The following DOCK1 variants were observed in gnomAD, a reference collection of about 807,000 sequenced individuals.
DOCK1 encodes the protein dedicator of cytokinesis 1.
Under a neutral mutation model 262.7 loss-of-function variants are expected in DOCK1, and 138 were observed. The observed-to-expected ratio is 0.53, with a 90% CI of 0.46 to 0.61. The LOEUF (loss-of-function observed/expected upper bound fraction) is 0.61. DOCK1 is among the 20% of genes least tolerant of loss of function. DOCK1 has a pLI of 0.00. For missense variants in DOCK1, 1,908 were observed against 2,370.7 expected, an observed-to-expected ratio of 0.80 and a Z score of 4.05; for synonymous variants, 866 against 867.4, an observed-to-expected ratio of 1.00 and a Z score of 0.03.
At chr10:126,927,514 G>A (rs2033838864) in intron 1 of DOCK1, among the ~76,000 whole-genome samples, 1 of 151,996 alleles carries the variant, frequency 6.6e-6, no homozygotes, top group Non-Finnish European at 1.5e-5. Flanking sequence ...TCGGCTCACT[G>A]CAACCTCCGC....
At chr10:127,294,311 G>C (rs2061435484) in intron 29 of DOCK1, among the ~76,000 whole-genome samples, 1 of 151,548 alleles carries the variant, frequency 6.6e-6, no homozygotes, top group Non-Finnish European at 1.5e-5. Flanking sequence ...TTTTTGTTTT[G>C]TTTTGTTTTG....
chr10:127,130,599 G>T (rs962975161), intron 27 of DOCK1, among the ~76,000 whole-genome samples: 1 of 152,190 alleles, frequency 6.6e-6, no homozygotes, highest in African/African-American at 2.4e-5. Flanking sequence ...TGTGGTCCAG[G>T]ATGTCTTTGA....
chr10:127,366,751 G>A (rs890338817), intron 33 of DOCK1, among the ~76,000 whole-genome samples: 7 of 152,132 alleles, frequency 4.6e-5, no homozygotes, highest in Admixed American at 1.3e-4. Context: ...CTCCATCCAC[G>A]AGCTTCTGGG....
intron 27 of DOCK1, among the ~76,000 whole-genome samples, chr10:127,224,312 G>C (rs1336200369): frequency 2.6e-5 from 4 of 152,094 alleles, no homozygotes; most frequent in Non-Finnish European, 5.9e-5. Flanking sequence ...TGTAATCCTA[G>C]TACTTTGGGA....
At chr10:127,092,938 A>G (rs941468156) in intron 23 of DOCK1, among the ~76,000 whole-genome samples, 3 of 152,088 alleles carry the variant, frequency 2.0e-5, no homozygotes, top group Non-Finnish European at 4.4e-5. Context: ...TGCTGTCACA[A>G]TACAAACGAG....
chr10:127,267,869 C>T (rs1461198490), intron 29 of DOCK1, among the ~76,000 whole-genome samples: 1 of 152,150 alleles, frequency 6.6e-6, no homozygotes, highest in African/African-American at 2.4e-5. Flanking sequence ...CAGTATAGGA[C>T]CCTCTGGTGT....
In DOCK1 at chr10:127,259,696, G is replaced by A. The variant is rs201836939; in HGVS notation, c.3044+2267G>A. Reference sequence around the variant, plus strand: ...GTGAGCACTGCTCTGACAAAGGTCAGGCGGGATGGGCTCCCTGAAGTTGCA... The same window carrying A: ...GTGAGCACTGCTCTGACAAAGGTCAAGCGGGATGGGCTCCCTGAAGTTGCA... On this transcript the variant is annotated intron_variant, in intron 29 of 51. Transcript: ENST00000623213. 2.0e-5 allele frequency among the ~76,000 whole-genome samples: 3 copies of A among 152,216 alleles called. No individual in the cohort carries two copies. The East Asian group carries it at 5.8e-4, about 29-fold the overall frequency.
chr10:127,068,471 G>A (rs796987655), intron 23 of DOCK1, among the ~76,000 whole-genome samples: 2 of 19,184 alleles, frequency 1.0e-4, no homozygotes, highest in African/African-American at 3.0e-4. Flanking sequence ...TCGCCCCTTC[G>A]TCTTTATATG....
At chr10:127,277,622 G>C (rs575416907) in intron 29 of DOCK1, among the ~76,000 whole-genome samples, 1 of 152,230 alleles carries the variant, frequency 6.6e-6, no homozygotes, top group Non-Finnish European at 1.5e-5. Context: ...TATTAGCTGG[G>C]TGTGGTGGCG....
chr10:127,049,612 A>G (rs1007900282), intron 21 of DOCK1, among the ~76,000 whole-genome samples: 1 of 152,208 alleles, frequency 6.6e-6, no homozygotes, highest in Non-Finnish European at 1.5e-5. Context: ...AAAGTAAATA[A>G]TTTGATAATA....
intron 27 of DOCK1, among the ~76,000 whole-genome samples, chr10:127,214,789 T>C (rs1444776328): frequency 2.0e-5 from 3 of 152,134 alleles, no homozygotes; most frequent in African/African-American, 7.2e-5. Flanking sequence ...GCTTCAGAAG[T>C]GTGGTCTACA....
intron 27 of DOCK1, among the ~76,000 whole-genome samples, chr10:127,169,919 T>A (rs1392703239): frequency 2.0e-5 from 3 of 152,050 alleles, no homozygotes; most frequent in African/African-American, 7.2e-5. Flanking sequence ...ATCCCTCAGC[T>A]CTTTCTTCCT....
At chr10:127,411,023 G>A in intron 43 of DOCK1, 99 bp downstream of exon 43, 1 of 1,177,084 alleles carries the variant, frequency 8.5e-7, no homozygotes, top group Non-Finnish European at 1.2e-6. Flanking sequence ...GGCAGCCACG[G>A]AGCCATATTA....
chr10:127,111,371 T>C (rs1009518625), intron 25 of DOCK1, among the ~76,000 whole-genome samples: 11 of 152,220 alleles, frequency 7.2e-5, no homozygotes, highest in Non-Finnish European at 1.0e-4. Flanking sequence ...AGTGGGTGAC[T>C]TTCTGCAGCC....
At chr10:127,280,561 C>T (rs2060924049) in intron 29 of DOCK1, among the ~76,000 whole-genome samples, 1 of 152,164 alleles carries the variant, frequency 6.6e-6, no homozygotes, top group Non-Finnish European at 1.5e-5. Flanking sequence ...CTGCTGGGGA[C>T]AAAGTTGGCA....
chr10:127,140,021 T>C (rs1327831841), intron 27 of DOCK1, among the ~76,000 whole-genome samples: 1 of 152,210 alleles, frequency 6.6e-6, no homozygotes, highest in African/African-American at 2.4e-5. Context: ...ATGTTAGGTA[T>C]AGAAGCGTAA....
intron 23 of DOCK1, among the ~76,000 whole-genome samples, chr10:127,079,937 A>T (rs2046804387): frequency 1.3e-5 from 2 of 152,200 alleles, no homozygotes; most frequent in Non-Finnish European, 2.9e-5. Context: ...GTCCCAATAA[A>T]AAATAAATAA....
chr10:126,957,462 C>G (rs1362262215), intron 1 of DOCK1, among the ~76,000 whole-genome samples: 1 of 152,160 alleles, frequency 6.6e-6, no homozygotes, highest in African/African-American at 2.4e-5. Flanking sequence ...AATGTTCAAT[C>G]CAGCCTTATT....
chr10:127,434,144 G>A (rs996354009), intron 48 of DOCK1, among the ~76,000 whole-genome samples: 2 of 151,662 alleles, frequency 1.3e-5, no homozygotes, highest in African/African-American at 4.8e-5. Context: ...GGATGGCCGG[G>A]CCTTCTTTTT....
Sources: gnomAD v4.1 joint callset for allele counts (sites outside exome capture counted in the v4.1 genomes callset) on GRCh38, gnomAD v4.1.1 for gene constraint, MANE v1.5 for transcripts, NCBI Gene and HGNC (gene_info 2026-07-23, HGNC 2026-07-21) for gene names.